TMEM74: variants seen among roughly 807,000 people sequenced by gnomAD.
TMEM74 encodes transmembrane protein 74.
TMEM74 carries 13 observed loss-of-function variants against 18.1 expected under a neutral mutation model. That is an observed-to-expected ratio of 0.72 (90% CI 0.47 to 1.14). The LOEUF (loss-of-function observed/expected upper bound fraction) is 1.14. TMEM74 is among the 50% of genes most tolerant of loss of function. The pLI, the probability that TMEM74 is intolerant of heterozygous loss-of-function variation, is 0.00. For missense variants in TMEM74, 372 were observed against 375.9 expected, an observed-to-expected ratio of 0.99 and a Z score of 0.09; for synonymous variants, 159 against 146.6, an observed-to-expected ratio of 1.08 and a Z score of -0.61.
At chr8:108,747,940 T>C (rs3019362) in intron 1 of TMEM74, among the ~76,000 whole-genome samples, 52,388 of 151,712 alleles carry the variant, frequency 0.35, 9,159 homozygotes, top group East Asian at 0.4. Context: ...ATATGTACCA[T>C]ATTTTCTTTA....
intron 1 of TMEM74, among the ~76,000 whole-genome samples, chr8:108,656,771 C>A (rs1157003721): frequency 6.6e-6 from 1 of 152,118 alleles, no homozygotes; most frequent in Non-Finnish European, 1.5e-5. Context: ...AAAGAAGAAA[C>A]TACCACCTAA....
chr8:108,727,165 C>T (rs992729914), intron 1 of TMEM74, among the ~76,000 whole-genome samples: 1 of 152,098 alleles, frequency 6.6e-6, no homozygotes, highest in African/African-American at 2.4e-5. Context: ...TCTTGATGGG[C>T]CACTTAAGGC....
intron 2 of TMEM74, among the ~76,000 whole-genome samples, chr8:108,651,846 C>T (rs1374530837): frequency 6.6e-6 from 1 of 151,774 alleles, no homozygotes; most frequent in Non-Finnish European, 1.5e-5. Flanking sequence ...TTCCTCTCCC[C>T]ATTGTTATAC....
At chr8:108,777,439 G>T (rs367879490), downstream of TMEM74, among the ~76,000 whole-genome samples, 9 of 152,250 alleles carry the variant, frequency 5.9e-5, no homozygotes, top group African/African-American at 1.7e-4. Flanking sequence ...AGTCTCATTA[G>T]GGGTAAGAAG....
At chr8:108,617,800 A>G (rs1812400546) in intron 2 of TMEM74, among the ~76,000 whole-genome samples, 1 of 152,050 alleles carries the variant, frequency 6.6e-6, no homozygotes, top group Admixed American at 6.6e-5. Context: ...AATTTTACCT[A>G]CTTGAGAATT....
At chr8:108,610,183 T>C (rs1301193056) in intron 2 of TMEM74, among the ~76,000 whole-genome samples, 3 of 152,190 alleles carry the variant, frequency 2.0e-5, no homozygotes, top group African/African-American at 7.2e-5. Flanking sequence ...GGAGCACAAA[T>C]GTGAATTTAG....
rs1175968989 is a variant in TMEM74 at position 108,783,995 on chromosome 8, T to C, written c.*186A>G. 6.0e-6 allele frequency: 3 copies of C among 502,438 alleles called. No homozygotes were observed. Among genetic ancestry groups the C allele is most frequent in the Non-Finnish European group, 1.0e-5 (3 of 291,534 alleles). The allele number at this position is 502,438 out of a possible 1,614,324, so 31.1% of individuals were successfully genotyped here. A position where few individuals can be genotyped will look rare whatever the true frequency, so the allele number is the denominator to read the frequency against. Reference sequence around the variant, plus strand: ...ATAGGTGTGGCTGGTTGTGGTTTCTTATACATCTTACATGGCTTTTCTTCT... The same window carrying C: ...ATAGGTGTGGCTGGTTGTGGTTTCTCATACATCTTACATGGCTTTTCTTCT... On this transcript the variant is annotated 3_prime_UTR_variant, in exon 2 of 2. Transcript: ENST00000297459.
chr8:108,637,461 C>G (rs531880844), intron 2 of TMEM74, among the ~76,000 whole-genome samples: 30 of 152,086 alleles, frequency 2.0e-4, no homozygotes, highest in African/African-American at 7.0e-4. Flanking sequence ...GAGATTATCC[C>G]GGATTATCTG....
intron 1 of TMEM74, among the ~76,000 whole-genome samples, chr8:108,678,087 G>A (rs1813072409): frequency 6.6e-6 from 1 of 152,240 alleles, no homozygotes; most frequent in Admixed American, 6.5e-5. Context: ...CTACTTAACA[G>A]TGTTGTCTAT....
chr8:108,696,872 T>C (rs1813285966), intron 1 of TMEM74, among the ~76,000 whole-genome samples: 1 of 152,230 alleles, frequency 6.6e-6, no homozygotes, highest in South Asian at 2.1e-4. Context: ...ATTTTATCTT[T>C]TCATTACTAT....
chr8:108,756,695 A>AGAAAGAAAGAAAGAAAGAAAGAAAGAAG (rs1398631410), intron 1 of TMEM74, among the ~76,000 whole-genome samples: 3 of 84,664 alleles, frequency 3.5e-5, no homozygotes, highest in African/African-American at 1.1e-4. Flanking sequence ...AAAGAAAGAA[A>AGAAAGAAAGAAAGAAAGAAAGAAAGAAG]GAAGGAAGGA....
At chr8:108,669,835 C>T (rs867542195) in intron 1 of TMEM74, among the ~76,000 whole-genome samples, 10 of 151,714 alleles carry the variant, frequency 6.6e-5, no homozygotes, top group African/African-American at 2.2e-4. Context: ...GTCAGGAGTT[C>T]GAGACCAGCC....
chr8:108,756,599 AAAGG>A lies in TMEM74; in HGVS notation n.119+30873_119+30876del, dbSNP rs200040254. Reference sequence around the variant, plus strand: ...AAGAAAGAAAGAAAGAAAGAAAGAGAAAGGAAGGAAGGAAGGAAGGAAGGAAGGA... The same window carrying A: ...AAGAAAGAAAGAAAGAAAGAAAGAGAAAGGAAGGAAGGAAGGAAGGAAGGA... On this transcript the variant is annotated intron_variant and non_coding_transcript_variant, in intron 1 of 3. Coordinates refer to the TMEM74 transcript ENST00000518838. 9.2e-3 allele frequency among the ~76,000 whole-genome samples: 475 copies of A among 51,380 alleles called. 19 individuals carry two copies. Among genetic ancestry groups the A allele is most frequent in the African/African-American group, 0.026 (244 of 9,250 alleles). The allele number at this position is 51,380 out of a possible 152,430, so 33.7% of individuals were successfully genotyped here.
intron 2 of TMEM74, among the ~76,000 whole-genome samples, chr8:108,627,950 G>A (rs970856548): frequency 2.0e-5 from 3 of 152,014 alleles, no homozygotes; most frequent in African/African-American, 7.2e-5. Context: ...AGCTACTCAC[G>A]AGGCTGATGA....
chr8:108,626,050 A>T (rs183982620), intron 2 of TMEM74, among the ~76,000 whole-genome samples: 1 of 152,048 alleles, frequency 6.6e-6, no homozygotes, highest in Non-Finnish European at 1.5e-5. Flanking sequence ...GATTATTTCT[A>T]TTAAACAATA....
intron 1 of TMEM74, among the ~76,000 whole-genome samples, chr8:108,657,634 G>A (rs1812832558): frequency 6.6e-6 from 1 of 151,506 alleles, no homozygotes; most frequent in East Asian, 1.9e-4. Context: ...AAGGAGGTCA[G>A]GAGTTGGAGA....
chr8:108,618,665 T>C (rs1812409895), intron 2 of TMEM74, among the ~76,000 whole-genome samples: 1 of 152,170 alleles, frequency 6.6e-6, no homozygotes, highest in Admixed American at 6.6e-5. Flanking sequence ...CTGAAAACAC[T>C]ACATATTAGT....
intron 2 of TMEM74, among the ~76,000 whole-genome samples, chr8:108,628,407 A>G (rs1043023883): frequency 2.0e-5 from 3 of 151,996 alleles, no homozygotes; most frequent in Non-Finnish European, 4.4e-5. Flanking sequence ...CAATTTTGAT[A>G]CTATCTACCT....
At chr8:108,634,668 C>T (rs1812589496) in intron 2 of TMEM74, among the ~76,000 whole-genome samples, 1 of 152,124 alleles carries the variant, frequency 6.6e-6, no homozygotes, top group African/African-American at 2.4e-5. Context: ...GAGACCACTG[C>T]TCCTCTTTAG....
Sources: allele counts gnomAD v4.1 joint callset (sites outside exome capture counted in the v4.1 genomes callset), GRCh38; gene constraint gnomAD v4.1.1; transcripts MANE v1.5; gene names NCBI Gene and HGNC (gene_info 2026-07-23, HGNC 2026-07-21).